Variants in PPARG observed in about 807,000 individuals in gnomAD.
PPARG encodes peroxisome proliferator-activated receptor gamma.
In PPARG, 17 loss-of-function variants were observed where a neutral mutation model predicts 39.2. The ratio of observed to expected loss-of-function variants is 0.43; its 90% confidence interval spans 0.30 to 0.65. PPARG has a LOEUF of 0.65. Ranked by LOEUF, PPARG falls within the 30% of genes least tolerant of loss-of-function variation. The pLI, the probability that PPARG is intolerant of heterozygous loss-of-function variation, is 0.13. For missense variants in PPARG, 406 were observed against 585.9 expected, an observed-to-expected ratio of 0.69 and a Z score of 3.17; for synonymous variants, 223 against 215.7, an observed-to-expected ratio of 1.03 and a Z score of -0.30.
chr3:12,408,762 A>G (rs2050771099), intron 6 of PPARG, among the ~76,000 whole-genome samples: 2 of 151,282 alleles, frequency 1.3e-5, no homozygotes, highest in South Asian at 4.2e-4. Flanking sequence ...CCTTCTTTTC[A>G]TCCTCTAATT....
chr3:12,343,668 C>G lies in PPARG; in HGVS notation c.-9+31215C>G, dbSNP rs189658179. On this transcript the variant is annotated intron_variant, in intron 2 of 7. Transcript: ENST00000651735. ...TAGAGTGCATTGTGCTTGTCTTATC[C>G]TCTTTACTAAAAGTAGGAAAATGGC... 2.4e-4 allele frequency among the ~76,000 whole-genome samples: 37 copies of G among 152,230 alleles called. No individual in the cohort carries two copies. The East Asian group carries it at 6.4e-3, about 26-fold the overall frequency.
At chr3:12,428,612 C>T (rs1228732946) in intron 7 of PPARG, among the ~76,000 whole-genome samples, 2 of 152,210 alleles carry the variant, frequency 1.3e-5, no homozygotes, top group Admixed American at 1.3e-4. Context: ...ATTTCTGTGG[C>T]ACAACTGTGG....
chr3:12,307,616 G>A (rs546905975), intron 1 of PPARG, among the ~76,000 whole-genome samples: 1 of 152,330 alleles, frequency 6.6e-6, no homozygotes, highest in African/African-American at 2.4e-5. Flanking sequence ...CCTGGGCTGG[G>A]AATAAAGACT....
chr3:12,415,438 C>T (rs2051025607), intron 6 of PPARG, among the ~76,000 whole-genome samples: 2 of 152,170 alleles, frequency 1.3e-5, no homozygotes, highest in South Asian at 4.1e-4. Flanking sequence ...GGTTTAACTC[C>T]TTATGTGTCA....
At chr3:12,344,640 A>G (rs1575027887) in intron 2 of PPARG, among the ~76,000 whole-genome samples, 2 of 152,332 alleles carry the variant, frequency 1.3e-5, no homozygotes, top group East Asian at 3.9e-4. Flanking sequence ...TCCATACTCT[A>G]TATACCGTCT....
chr3:12,429,871 G>C (rs1040424677), intron 7 of PPARG, among the ~76,000 whole-genome samples: 10 of 152,190 alleles, frequency 6.6e-5, no homozygotes, highest in Non-Finnish European at 1.3e-4. Context: ...CAATTCTCCA[G>C]GCCAGGACCA....
chr3:12,300,618 G>T (rs1423751580), intron 1 of PPARG, among the ~76,000 whole-genome samples: 1 of 149,806 alleles, frequency 6.7e-6, no homozygotes, highest in African/African-American at 2.5e-5. Context: ...ACCAGCTTTT[G>T]AATTCAGAAA....
intron 7 of PPARG, among the ~76,000 whole-genome samples, chr3:12,433,216 G>C (rs2051720893): frequency 6.6e-6 from 1 of 152,160 alleles, no homozygotes; most frequent in East Asian, 1.9e-4. Flanking sequence ...ATAAAACGTA[G>C]ATTCATCAGG....
At chr3:12,379,622 T>C in intron 2 of PPARG, 82 bp from the exon 3 acceptor site, 7 of 1,348,266 alleles carry the variant, frequency 5.2e-6, no homozygotes, top group African/African-American at 1.4e-5. Context: ...CAAAGACTCT[T>C]TTCATTTCTC....
chr3:12,355,090 T>C (rs557997524), intron 2 of PPARG, among the ~76,000 whole-genome samples: 1 of 152,318 alleles, frequency 6.6e-6, no homozygotes, highest in South Asian at 2.1e-4. Context: ...ATGTTTTTCG[T>C]ACACTGAAGT....
intron 6 of PPARG, 23 bp from the exon 7 acceptor site, chr3:12,416,681 C>T (rs781116720): frequency 8.1e-6 from 13 of 1,603,584 alleles, no homozygotes; most frequent in East Asian, 4.5e-5. Context: ...AAGTCATCCA[C>T]GTTTTCCCTG....
intron 6 of PPARG, among the ~76,000 whole-genome samples, chr3:12,409,589 G>T (rs2050803068): frequency 6.6e-6 from 1 of 152,136 alleles, no homozygotes; most frequent in South Asian, 2.1e-4. Context: ...CAGAAATATG[G>T]ACTCTTGAGA....
intron 1 of PPARG, among the ~76,000 whole-genome samples, chr3:12,297,591 A>G (rs537406904): frequency 6.6e-6 from 1 of 152,170 alleles, no homozygotes; most frequent in Non-Finnish European, 1.5e-5. Flanking sequence ...CACATATTGG[A>G]CTTCCCTGTA....
intron 2 of PPARG, among the ~76,000 whole-genome samples, chr3:12,344,557 A>G (rs2048275205): frequency 6.6e-6 from 1 of 152,140 alleles, no homozygotes; most frequent in Non-Finnish European, 1.5e-5. Flanking sequence ...TCAAATATCT[A>G]TTTGTTGGTG....
rs183031329 is a variant in PPARG, at chr3:12,346,151, T to C, written c.-8-33553T>C. Among the ~76,000 whole-genome samples the C allele has an allele frequency of 1.3e-3, 193 of 152,298 alleles. 3 individuals carry two copies. Among genetic ancestry groups the C allele is most frequent in the Admixed American group, 0.011 (174 of 15,298 alleles). On this transcript the variant is annotated intron_variant, in intron 2 of 7. Transcript: ENST00000651735. ...ACAGGTTAGTCTCTTTTTCAGGTAT[T>C]AGAGGGAAGTTAACTTTTGAAGCTG...
At chr3:12,366,318 C>G (rs755295747) in intron 2 of PPARG, among the ~76,000 whole-genome samples, 6 of 151,504 alleles carry the variant, frequency 4.0e-5, no homozygotes, top group Non-Finnish European at 4.4e-5. Context: ...TAATCACTTA[C>G]TAGGTCCAGG....
intron 1 of PPARG, among the ~76,000 whole-genome samples, chr3:12,307,775 TC>T (rs1304579118): frequency 2.0e-5 from 3 of 152,242 alleles, no homozygotes; most frequent in Admixed American, 6.5e-5. Context: ...AGCTGAATTT[TC>T]TTTAATGTAT....
chr3:12,363,981 G>A (rs116517756), intron 2 of PPARG, among the ~76,000 whole-genome samples: 5,464 of 150,576 alleles, frequency 0.036, 287 homozygotes, highest in East Asian at 0.29. Flanking sequence ...CCCCCACCAC[G>A]CACAATCTCC....
intron 2 of PPARG, among the ~76,000 whole-genome samples, chr3:12,357,330 G>C (rs981493805): frequency 6.6e-6 from 1 of 152,044 alleles, no homozygotes; most frequent in Non-Finnish European, 1.5e-5. Context: ...CCTCCTTGCT[G>C]TTCCTTCCAC....
Sources: gnomAD v4.1 joint callset for allele counts (sites outside exome capture counted in the v4.1 genomes callset) on GRCh38, gnomAD v4.1.1 for gene constraint, MANE v1.5 for transcripts, NCBI Gene and HGNC (gene_info 2026-07-23, HGNC 2026-07-21) for gene names.